Variants in SMARCAL1 observed in about 807,000 individuals in gnomAD.
The protein encoded by SMARCAL1 is ATP-driven annealing helicase.
A neutral mutation model predicts 94.5 loss-of-function variants in SMARCAL1; 58 were observed. The ratio of observed to expected loss-of-function variants is 0.61; its 90% CI spans 0.50 to 0.76. SMARCAL1 has a LOEUF of 0.76. Ranked by LOEUF, SMARCAL1 falls within the 30% of genes least tolerant of loss-of-function variation. The probability of loss-of-function intolerance (pLI) is 0.00; values close to 1 mark genes in which losing one functional copy is unlikely to be tolerated. For missense variants in SMARCAL1, 1,051 were observed against 1,177.9 expected (o/e 0.89, Z 1.58); for synonymous variants, 422 against 455.1 (o/e 0.93, Z 0.93).
intron 12 of SMARCAL1, among the ~76,000 whole-genome samples, chr2:216,455,148 G>T (rs1015039538): frequency 1.3e-5 from 2 of 152,238 alleles, no homozygotes; most frequent in South Asian, 2.1e-4. Flanking sequence ...CAGCGAGGCT[G>T]GGGGAGGGGT....
At chr2:216,454,812 G>A (rs1293722976) in intron 12 of SMARCAL1, among the ~76,000 whole-genome samples, 2 of 152,218 alleles carry the variant, frequency 1.3e-5, no homozygotes, top group Non-Finnish European at 2.9e-5. Context: ...TTCCAACTGA[G>A]GTACTGGGTT....
chr2:216,413,503 T>C (rs989310612), intron 1 of SMARCAL1, among the ~76,000 whole-genome samples: 1 of 152,254 alleles, frequency 6.6e-6, no homozygotes, highest in Non-Finnish European at 1.5e-5. Flanking sequence ...TGCCATTTTG[T>C]TATGGATGAA....
intron 4 of SMARCAL1, among the ~76,000 whole-genome samples, chr2:216,418,048 G>A (rs539866219): frequency 9.4e-4 from 143 of 152,148 alleles, no homozygotes; most frequent in Middle Eastern, 3.4e-3. Context: ...AGCCTCCTGA[G>A]TAGCTGGGAT....
intron 10 of SMARCAL1, 173 bp from the exon 11 acceptor site, chr2:216,446,845 T>C: frequency 1.4e-6 from 1 of 714,054 alleles, no homozygotes; most frequent in Non-Finnish European, 2.5e-6. Flanking sequence ...AGGGAGGATT[T>C]AAAGAAAAGG....
At chr2:216,465,220 G>C (rs1290967713) in intron 13 of SMARCAL1, among the ~76,000 whole-genome samples, 1 of 152,216 alleles carries the variant, frequency 6.6e-6, no homozygotes, top group African/African-American at 2.4e-5. Flanking sequence ...AAGTTGGCCG[G>C]TAACTGGAGC....
intron 14 of SMARCAL1, among the ~76,000 whole-genome samples, chr2:216,469,920 G>C (rs1191187862): frequency 6.6e-6 from 1 of 152,088 alleles, no homozygotes; most frequent in Non-Finnish European, 1.5e-5. Context: ...TACCAATCCA[G>C]AGAAATGAAA....
At chr2:216,465,081 C>T (rs987734933) in intron 13 of SMARCAL1, among the ~76,000 whole-genome samples, 1 of 152,076 alleles carries the variant, frequency 6.6e-6, no homozygotes, top group South Asian at 2.1e-4. Context: ...GGAGGACGGT[C>T]GAGGCTGCAG....
At chr2:216,427,621 C>G (rs1025229533) in intron 6 of SMARCAL1, among the ~76,000 whole-genome samples, 1 of 152,216 alleles carries the variant, frequency 6.6e-6, no homozygotes, top group East Asian at 1.9e-4. Context: ...CATCAACCTT[C>G]CCTAATTTCT....
intron 11 of SMARCAL1, among the ~76,000 whole-genome samples, chr2:216,449,732 A>T (rs1694401612): frequency 6.6e-6 from 1 of 152,104 alleles, no homozygotes; most frequent in Admixed American, 6.5e-5. Flanking sequence ...AGCTCCTTAA[A>T]AGACAAAGTA....
Position 216,428,789 on chromosome 2 carries a change from T to C in SMARCAL1, c.1334+7T>C, listed in dbSNP as rs1405484806. ...TTCAGAGAGCTGGAGTCAAGTAGGTTCTTGATCTTCCTCTCTCTTCCTCTG... is the reference window on the plus strand; with the variant it reads ...TTCAGAGAGCTGGAGTCAAGTAGGTCCTTGATCTTCCTCTCTCTTCCTCTG... On this transcript the variant is annotated splice_region_variant and intron_variant, in intron 7 of 17. Transcript: ENST00000357276. The C allele has an allele frequency of 6.2e-7, 1 of 1,612,628 alleles. No homozygotes were observed. Among genetic ancestry groups the C allele is most frequent in the Admixed American group, 1.7e-5 (1 of 60,024 alleles).
At chr2:216,455,701 C>T (rs930909649) in intron 12 of SMARCAL1, among the ~76,000 whole-genome samples, 12 of 152,140 alleles carry the variant, frequency 7.9e-5, no homozygotes, top group East Asian at 1.9e-4. Flanking sequence ...CCCATCTGTA[C>T]GTCACCATCA....
chr2:216,464,975 A>G (rs1460194264), intron 13 of SMARCAL1, among the ~76,000 whole-genome samples: 2 of 152,076 alleles, frequency 1.3e-5, no homozygotes, highest in East Asian at 3.9e-4. Context: ...GTGAGACCCC[A>G]TTTATACAAA....
At chr2:216,427,526 T>C (rs1693861778) in intron 6 of SMARCAL1, 2 of 152,366 alleles carry the variant, frequency 1.3e-5, no homozygotes, top group South Asian at 4.1e-4. Flanking sequence ...TCCTGAAGTG[T>C]GTAGAAATCA....
chr2:216,432,532 T>C (rs1361577610), intron 7 of SMARCAL1, among the ~76,000 whole-genome samples, 186 bp from the exon 8 acceptor site: 1 of 152,182 alleles, frequency 6.6e-6, no homozygotes, highest in Non-Finnish European at 1.5e-5. Context: ...TCTCTCTCTC[T>C]CTCTTTTTTA....
At chr2:216,428,979 G>A (rs1021594033) in intron 7 of SMARCAL1, among the ~76,000 whole-genome samples, 197 bp downstream of exon 7, 1 of 152,174 alleles carries the variant, frequency 6.6e-6, no homozygotes, top group African/African-American at 2.4e-5. Flanking sequence ...AATTCCATGG[G>A]TTAATCAAGA....
Position 216,423,642 on chromosome 2 carries a change from C to A in SMARCAL1, c.1106C>A (p.Thr369Asn). The A allele has an allele frequency of 1.9e-6, 3 of 1,613,836 alleles. No individual in the cohort carries two copies. Among genetic ancestry groups the A allele is most frequent in the Non-Finnish European group, 2.5e-6 (3 of 1,179,746 alleles). The change falls in exon 6 of 18, where the codon ACC (threonine) becomes AAC (asparagine). Residue 369 changes from threonine to asparagine, a missense_variant. Around this residue, in one of 3 missense-constraint regions of SMARCAL1, gnomAD observed 642 missense variants for 754.7 expected, o/e 0.85. Coordinates refer to ENST00000357276, the MANE Select transcript of SMARCAL1 (RefSeq NM_014140.4). The part of the protein sequence containing the change: ...QMDSRRYDVK[T>N]RKWSFLLEEH... ...TTTCTTGTCATTGCAGATGTCAAGA[C>A]CAGGAAGTGGAGCTTTCTCTTGGAA...
intron 3 of SMARCAL1, 24 bp downstream of exon 3, chr2:216,415,539 T>A: frequency 6.4e-6 from 1 of 155,888 alleles, no homozygotes; most frequent in Non-Finnish European, 8.3e-6. Flanking sequence ...TTTTCAGCTG[T>A]TTTTTTTTTT....
At chr2:216,453,322 G>A (rs1244643891) in intron 12 of SMARCAL1, among the ~76,000 whole-genome samples, 2 of 152,244 alleles carry the variant, frequency 1.3e-5, no homozygotes, top group African/African-American at 4.8e-5. Flanking sequence ...GATGGCTGAA[G>A]CCAGACACTA....
intron 8 of SMARCAL1, among the ~76,000 whole-genome samples, chr2:216,434,851 ATTTTTTTTT>A (rs11408208): frequency 8.5e-6 from 1 of 117,406 alleles, no homozygotes; most frequent in African/African-American, 3.3e-5. Context: ...ACAACTCTCT[ATTTTTTTTT>A]TTTTTTTTTT....
Sources: gnomAD v4.1 joint callset for allele counts (sites outside exome capture counted in the v4.1 genomes callset) on GRCh38, gnomAD v4.1.1 for gene constraint, gnomAD v4.1.1 regional missense constraint, MANE v1.5 for transcripts, NCBI Gene and HGNC (gene_info 2026-07-23, HGNC 2026-07-21) for gene names.